DGKB: variants seen among roughly 807,000 people sequenced by gnomAD.
DGKB encodes diacylglycerol kinase beta, also known as 90 kDa diacylglycerol kinase.
A neutral mutation model predicts 114.3 loss-of-function variants in DGKB; 67 were observed. That is an observed-to-expected ratio of 0.59 (90% CI 0.48 to 0.72). The LOEUF is 0.72. DGKB is among the 30% of genes least tolerant of loss of function. DGKB has a pLI of 0.00. For synonymous variants in DGKB, 398 were observed against 323.1 expected (o/e 1.23, Z -2.49); for missense variants, 907 against 975.2 (o/e 0.93, Z 0.93).
intron 1 of DGKB, among the ~76,000 whole-genome samples, chr7:14,899,339 G>A (rs1286068038): frequency 6.6e-6 from 1 of 152,114 alleles, no homozygotes; most frequent in African/African-American, 2.4e-5. Flanking sequence ...AAAAGAGTAT[G>A]TAAAGGAGAT....
intron 2 of DGKB, among the ~76,000 whole-genome samples, chr7:14,809,830 T>C (rs1042660229): frequency 1.1e-4 from 17 of 152,174 alleles, no homozygotes; most frequent in African/African-American, 4.1e-4. Context: ...TGCTCTAAAC[T>C]ACATGTATAA....
chr7:14,488,287 A>G (rs1465446524), intron 20 of DGKB, among the ~76,000 whole-genome samples: 1 of 152,172 alleles, frequency 6.6e-6, no homozygotes, highest in African/African-American at 2.4e-5. Flanking sequence ...TGCGTACAAT[A>G]TGTAGCATTA....
At chr7:14,304,081 A>T (rs201438636) in intron 23 of DGKB, among the ~76,000 whole-genome samples, 41 of 88,704 alleles carry the variant, frequency 4.6e-4, no homozygotes, top group African/African-American at 2.0e-3. Context: ...ACACACACAC[A>T]CACACACTCT....
At chr7:14,935,440 A>G (rs1294808974) in intron 1 of DGKB, among the ~76,000 whole-genome samples, 2 of 152,218 alleles carry the variant, frequency 1.3e-5, no homozygotes, top group Non-Finnish European at 2.9e-5. Context: ...AAAGAAGTTT[A>G]TATAAAATAA....
At chr7:14,452,949 G>T (rs1257534697) in intron 21 of DGKB, among the ~76,000 whole-genome samples, 3 of 152,004 alleles carry the variant, frequency 2.0e-5, no homozygotes, top group Non-Finnish European at 4.4e-5. Flanking sequence ...TTTCTATAAA[G>T]GCTCCATTAA....
chr7:14,968,624 C>T (rs1787298624), intron 1 of DGKB, among the ~76,000 whole-genome samples: 1 of 152,106 alleles, frequency 6.6e-6, no homozygotes, highest in Admixed American at 6.6e-5. Flanking sequence ...TTCTATTAGC[C>T]ATTGTTTGGA....
chr7:14,459,888 C>T (rs1172485569), intron 21 of DGKB, among the ~76,000 whole-genome samples: 1 of 152,168 alleles, frequency 6.6e-6, no homozygotes, highest in Non-Finnish European at 1.5e-5. Flanking sequence ...ATCAGACTAA[C>T]AGCAGATCTC....
chr7:14,352,174 G>A (rs959729406), intron 21 of DGKB, among the ~76,000 whole-genome samples: 6 of 152,100 alleles, frequency 3.9e-5, no homozygotes, highest in African/African-American at 1.4e-4. Flanking sequence ...CTCCATCTTA[G>A]TTTATAAAAG....
chr7:14,901,401 A>C (rs2128237965), intron 1 of DGKB, among the ~76,000 whole-genome samples: 1 of 152,226 alleles, frequency 6.6e-6, no homozygotes, highest in Admixed American at 6.5e-5. Flanking sequence ...TTATTTCACA[A>C]ATTTTGAAGC....
chr7:14,153,634 A>C (rs1347835063), intron 25 of DGKB, among the ~76,000 whole-genome samples: 3 of 152,014 alleles, frequency 2.0e-5, no homozygotes, highest in African/African-American at 7.2e-5. Context: ...TGCCCTAGAG[A>C]GCATTCCCTC....
At chr7:14,429,081 T>C (rs947708528) in intron 21 of DGKB, among the ~76,000 whole-genome samples, 3 of 152,150 alleles carry the variant, frequency 2.0e-5, no homozygotes, top group Admixed American at 6.5e-5. Context: ...AGAAGGCATA[T>C]TGAAAACAGA....
intron 23 of DGKB, among the ~76,000 whole-genome samples, chr7:14,257,099 G>T (rs1796063459): frequency 1.3e-5 from 2 of 152,156 alleles, no homozygotes; most frequent in South Asian, 2.1e-4. Context: ...GGAATTCAAG[G>T]TTACAGTGAG....
intron 21 of DGKB, among the ~76,000 whole-genome samples, chr7:14,426,955 G>A (rs1269821004): frequency 6.6e-6 from 1 of 151,862 alleles, no homozygotes; most frequent in Non-Finnish European, 1.5e-5. Flanking sequence ...AGCTACTTAA[G>A]AGGCTGAGGC....
chr7:14,740,640 G>A (rs1373191110), intron 4 of DGKB, among the ~76,000 whole-genome samples: 1 of 152,122 alleles, frequency 6.6e-6, no homozygotes, highest in Non-Finnish European at 1.5e-5. Flanking sequence ...CCACAGATGA[G>A]CATGACTAAT....
chr7:14,850,287 A>C (rs1849176345), intron 1 of DGKB, among the ~76,000 whole-genome samples: 2 of 152,186 alleles, frequency 1.3e-5, no homozygotes, highest in African/African-American at 4.8e-5. Flanking sequence ...TATGATTGTG[A>C]GAAGCAGAGA....
At chr7:14,517,738 G>A (rs1403421437) in intron 20 of DGKB, among the ~76,000 whole-genome samples, 1 of 151,970 alleles carries the variant, frequency 6.6e-6, no homozygotes, top group Non-Finnish European at 1.5e-5. Flanking sequence ...TTAAAGAAAT[G>A]AAAATCAAAA....
At chr7:14,629,593 T>C (rs767208944) in intron 14 of DGKB, among the ~76,000 whole-genome samples, 26 of 152,212 alleles carry the variant, frequency 1.7e-4, no homozygotes, top group Middle Eastern at 3.4e-3. Context: ...ATAATAACAA[T>C]TGAATTGGAT....
chr7:14,465,436 A>T (rs1833696544), intron 21 of DGKB, among the ~76,000 whole-genome samples: 1 of 152,180 alleles, frequency 6.6e-6, no homozygotes, highest in African/African-American at 2.4e-5. Context: ...TGTCCTGGGA[A>T]TAGGTATAGA....
chr7:14,958,475 A>C (rs866173922), intron 1 of DGKB, among the ~76,000 whole-genome samples: 15 of 144,270 alleles, frequency 1.0e-4, no homozygotes, highest in South Asian at 6.7e-4. Context: ...ACACACACAC[A>C]CCCCGTCCAG....
Sources: gnomAD v4.1 joint callset for allele counts (sites outside exome capture counted in the v4.1 genomes callset) on GRCh38, gnomAD v4.1.1 for gene constraint, MANE v1.5 for transcripts, NCBI Gene and HGNC (gene_info 2026-07-23, HGNC 2026-07-21) for gene names.